The following PLXNA2 variants were observed in gnomAD, a reference collection of about 807,000 sequenced individuals.
PLXNA2 encodes the protein plexin-A2.
Under a neutral mutation model 193.5 loss-of-function variants are expected in PLXNA2, and 91 were observed. The ratio of observed to expected loss-of-function variants is 0.47; its 90% CI spans 0.40 to 0.56. PLXNA2 has a LOEUF of 0.56. Among genes scored for constraint, PLXNA2 ranks in the 20% least tolerant of loss-of-function variants. The probability of loss-of-function intolerance (pLI) is 0.00; values close to 1 mark genes in which losing one functional copy is unlikely to be tolerated. For missense variants in PLXNA2, 1,995 were observed against 2,503.2 expected (o/e 0.80, Z 4.33); for synonymous variants, 997 against 1,027.3 (o/e 0.97, Z 0.56).
At chr1:208,129,280 CT>C (rs1342672134) in intron 4 of PLXNA2, among the ~76,000 whole-genome samples, 1 of 152,112 alleles carries the variant, frequency 6.6e-6, no homozygotes. Context: ...GAGCTAGCAT[CT>C]TTTTTCCTGA....
At chr1:208,223,547 TGAAA>T (rs528460671) in intron 1 of PLXNA2, among the ~76,000 whole-genome samples, 174 of 152,306 alleles carry the variant, frequency 1.1e-3, no homozygotes, top group Non-Finnish European at 2.0e-3. Context: ...AGGGGCAGAA[TGAAA>T]GAAAGACACA....
chr1:208,027,293 G>A lies in PLXNA2; in HGVS notation c.5635C>T (p.Leu1879=). 6.2e-7 allele frequency: 1 copy of A among 1,613,588 alleles called. No homozygotes were observed. Residue 1879 remains leucine (L), a synonymous_variant, in exon 32 of 32, where the codon CTG becomes TTG. Coordinates refer to ENST00000367033, the MANE Select transcript of PLXNA2 (RefSeq NM_025179.4). ...EQDEQARRQR[L]AYKVEQLINA... ...ATGAGCTGCTCCACCTTATAAGCCA[G>A]CCGCTGCCGCCGTGCCTGCTCATCC...
intron 18 of PLXNA2, 127 bp downstream of exon 18, chr1:208,045,751 G>A: frequency 8.5e-7 from 1 of 1,178,668 alleles, no homozygotes; most frequent in Non-Finnish European, 1.2e-6. Context: ...CTGTAGGAAG[G>A]AGACAGCTTT....
intron 3 of PLXNA2, among the ~76,000 whole-genome samples, chr1:208,149,506 T>C (rs1249179068): frequency 6.6e-6 from 1 of 151,822 alleles, no homozygotes. Context: ...ATGAGTATGG[T>C]GTATAGGCAC....
chr1:208,108,581 T>C (rs1281483676), intron 4 of PLXNA2, among the ~76,000 whole-genome samples: 1 of 152,166 alleles, frequency 6.6e-6, no homozygotes, highest in Non-Finnish European at 1.5e-5. Context: ...ATGGCTCTTC[T>C]GGAGAAACGC....
chr1:208,142,387 A>C lies in PLXNA2; in HGVS notation c.1448T>G (p.Leu483Arg). The change falls in exon 4 of 32, where the codon CTC becomes CGC. Residue 483 changes from leucine (L) to arginine (R), a missense_variant. Physicochemically the swap from Leu to Arg is moderately radical, Grantham distance 102. This residue lies in a region of PLXNA2 where 702 missense variants were observed against 812.9 expected (regional missense o/e 0.86). Transcript: ENST00000367033. ...VSVLKDGSPILRDMAFSIDQR... is the reference protein window; with the variant it reads ...VSVLKDGSPIRRDMAFSIDQR... ...ATCAATGGAGAAGGCCATGTCCCGG[A>C]GGATGGGGCTTCCGTCCTTGAGCAC... 1 of 1,614,008 alleles carries C rather than the reference A, an allele frequency of 6.2e-7. No individual in the cohort carries two copies. The highest frequency in any genetic ancestry group is 1.1e-5 in the South Asian group (1 of 91,056).
chr1:208,099,283 G>A (rs1160675931), intron 5 of PLXNA2, among the ~76,000 whole-genome samples: 2 of 152,222 alleles, frequency 1.3e-5, no homozygotes, highest in African/African-American at 2.4e-5. Flanking sequence ...AACAAAGCAA[G>A]GAAGGAATGA....
chr1:208,222,853 C>T (rs561549139), intron 1 of PLXNA2, among the ~76,000 whole-genome samples: 11 of 152,252 alleles, frequency 7.2e-5, no homozygotes, highest in South Asian at 2.1e-4. Context: ...CTCTCATACC[C>T]GTGGGCCCAT....
intron 3 of PLXNA2, among the ~76,000 whole-genome samples, chr1:208,159,574 A>G (rs1669045111): frequency 6.6e-6 from 1 of 152,212 alleles, no homozygotes; most frequent in Non-Finnish European, 1.5e-5. Flanking sequence ...CAGCCATCCA[A>G]GGGGATTTAG....
At chr1:208,057,828 T>C (rs555224732) in intron 13 of PLXNA2, among the ~76,000 whole-genome samples, 87 of 152,352 alleles carry the variant, frequency 5.7e-4, no homozygotes, top group African/African-American at 2.0e-3. Flanking sequence ...GTGCCACAGA[T>C]AATCTTTACA....
chr1:208,040,012 G>T lies in PLXNA2; in HGVS notation c.4333C>A (p.Leu1445Ile), dbSNP rs1166900398. The T allele has an allele frequency of 6.2e-7, 1 of 1,614,160 alleles. No homozygotes were observed. Among genetic ancestry groups the T allele is most frequent in the South Asian group, 1.1e-5 (1 of 91,084 alleles). Residue 1445 changes from leucine to isoleucine, a missense_variant, in exon 23 of 32, where the codon CTC becomes ATC. Leu to Ile is a conservative substitution (Grantham distance 5, BLOSUM62 2). Around this residue, in one of 3 missense-constraint regions of PLXNA2, gnomAD observed 1,291 missense variants for 1,673.6 expected, o/e 0.77. Coordinates refer to ENST00000367033, the MANE Select transcript of PLXNA2 (RefSeq NM_025179.4). ...CTCACCTTTAGGAACTTGTGCAGGA[G>T]GAAGGCGAACCAATTGGTCAGCATC... Reference protein sequence around the residue: ...EKMLTNWFAFLLHKFLKECAG... With the variant: ...EKMLTNWFAFILHKFLKECAG...
rs140128262 is a variant in PLXNA2 at position 208,161,599 on chromosome 1, A to G, written c.1372-19136T>C. Among the ~76,000 whole-genome samples, 585 of 152,246 alleles carry G rather than the reference A, an allele frequency of 3.8e-3. 8 individuals are homozygous for G. The highest frequency in any genetic ancestry group is 0.032 in the South Asian group (153 of 4,816). The stretch of plus-strand genomic sequence containing the variant: ...GGACGAGTGGCCAAGGCTCTGTCCT[A>G]TGGTGCACGAGTGTCCTTGGGCAGG... On this transcript the variant is annotated intron_variant, in intron 3 of 31. Coordinates refer to ENST00000367033, the MANE Select transcript of PLXNA2 (RefSeq NM_025179.4).
Position 208,027,042 on chromosome 1 carries a change from G to T in PLXNA2, c.*201C>A. 1 of 520,242 alleles carries T rather than the reference G, an allele frequency of 1.9e-6. No homozygotes were observed. The highest frequency in any genetic ancestry group is 2.5e-5 in the South Asian group (1 of 40,224). The allele number at this position is 520,242 out of a possible 1,614,324, so 32.2% of individuals were successfully genotyped here. On this transcript the variant is annotated 3_prime_UTR_variant, in exon 32 of 32. Transcript: ENST00000367033. Reference sequence around the variant, plus strand: ...GGTGTTCTCACTGAGGATGGACGACGCCCACTGTCTCTCCCAGCTGGAACT... The same window carrying T: ...GGTGTTCTCACTGAGGATGGACGACTCCCACTGTCTCTCCCAGCTGGAACT...
chr1:208,062,672 A>G (rs531254203), intron 12 of PLXNA2, among the ~76,000 whole-genome samples: 2 of 152,286 alleles, frequency 1.3e-5, no homozygotes, highest in South Asian at 4.2e-4. Context: ...AATAAAAATA[A>G]ACAGCACACA....
rs34413554 is a variant in PLXNA2, at chr1:208,209,983, A to AATTTTTTTTTTTTTTTTTTTTTTT, written c.1371+296_1371+297insAAAAAAAAAAAAAAAAAAAAAAAT. On this transcript the variant is annotated intron_variant, in intron 3 of 31. Coordinates refer to ENST00000367033, the MANE Select transcript of PLXNA2 (RefSeq NM_025179.4). Reference sequence around the variant, plus strand: ...TTGCTTGATTTGGGAATGAAGAGCAATTTTTTTTTTTTTTTTTTTTTGCTT... The same window carrying AATTTTTTTTTTTTTTTTTTTTTTT: ...TTGCTTGATTTGGGAATGAAGAGCAAATTTTTTTTTTTTTTTTTTTTTTTTTTTTTTTTTTTTTTTTTTTTGCTT... 5.2e-3 allele frequency: 454 copies of AATTTTTTTTTTTTTTTTTTTTTTT among 87,894 alleles called. 118 individuals carry two copies. The highest frequency in any genetic ancestry group is 8.6e-3 in the African/African-American group (180 of 20,896). 5.4% of individuals were successfully genotyped at this position (87,894 alleles called of 1,614,324 possible).
intron 29 of PLXNA2, chr1:208,031,250 T>C (rs1039880039): frequency 6.3e-6 from 7 of 1,117,802 alleles, no homozygotes; most frequent in Non-Finnish European, 7.7e-6. Flanking sequence ...AATGCAGCTC[T>C]TTGCATAGGT....
At chr1:208,134,489 G>A (rs1396932957) in intron 4 of PLXNA2, among the ~76,000 whole-genome samples, 3 of 152,266 alleles carry the variant, frequency 2.0e-5, no homozygotes, top group East Asian at 3.9e-4. Flanking sequence ...AGAAACACAT[G>A]TGCATCAAAG....
In PLXNA2 at chr1:208,210,446, T is replaced by C; in HGVS notation, c.1205A>G (p.Asp402Gly). The C allele has an allele frequency of 6.2e-7, 1 of 1,612,876 alleles. No individual in the cohort carries two copies. Among genetic ancestry groups the C allele is most frequent in the East Asian group, 2.2e-5 (1 of 44,818 alleles). Residue 402 changes from aspartate to glycine, a missense_variant, in exon 3 of 32, where the codon GAT becomes GGT. Transcript: ENST00000367033. Reference protein sequence around the residue: ...QCTKAPVPIDDNFCGLDINQP... With the variant: ...QCTKAPVPIDGNFCGLDINQP... The stretch of plus-strand genomic sequence containing the variant: ...GTTGATGTCCAGTCCACAGAAGTTA[T>C]CATCGATGGGGACAGGCTGGAGGGA...
intron 1 of PLXNA2, among the ~76,000 whole-genome samples, chr1:208,226,701 G>A (rs1188988110): frequency 2.0e-5 from 3 of 152,168 alleles, no homozygotes; most frequent in East Asian, 1.9e-4. Context: ...TCTAAAGGTC[G>A]CCACCCGGGC....
Sources: allele counts gnomAD v4.1 joint callset (sites outside exome capture counted in the v4.1 genomes callset), GRCh38; gene constraint gnomAD v4.1.1; regional missense constraint gnomAD v4.1.1; transcripts MANE v1.5; gene names NCBI Gene and HGNC (gene_info 2026-07-23, HGNC 2026-07-21).